Variants in SNAP29 observed in about 807,000 individuals in gnomAD.
SNAP29 encodes synaptosome associated protein 29.
A neutral mutation model predicts 27.9 loss-of-function variants in SNAP29; 13 were observed. The ratio of observed to expected loss-of-function variants is 0.47; its 90% CI spans 0.30 to 0.74. The LOEUF is 0.74. SNAP29 is among the 30% of genes least tolerant of loss of function. The pLI is 0.06. For synonymous variants in SNAP29, 119 were observed against 127.1 expected, an observed-to-expected ratio of 0.94 and a Z score of 0.43; for missense variants, 368 against 336.5, an observed-to-expected ratio of 1.09 and a Z score of -0.73.
Position 20,859,154 on chromosome 22 carries a change from G to A in SNAP29, c.44G>A (p.Gly15Glu), listed in dbSNP as rs1473034176. The A allele has an allele frequency of 3.7e-6, 6 of 1,607,778 alleles. No homozygotes were observed. The Admixed American group carries it at 6.8e-5, about 18-fold the overall frequency. Residue 15 changes from glycine (G) to glutamate (E), a missense_variant, in exon 1 of 5, where the codon GGG becomes GAG. Gly to Glu is a moderately conservative substitution (Grantham distance 98). Transcript: ENST00000215730. Reference protein sequence around the residue: ...PKSYNPFDDDGEDEGARPAPW... With the variant: ...PKSYNPFDDDEEDEGARPAPW... ...AGCTACAATCCGTTCGACGACGACG[G>A]GGAGGACGAAGGCGCCCGGCCGGCC...
At chr22:20,871,208 G>A (rs1928583302) in intron 2 of SNAP29, among the ~76,000 whole-genome samples, 1 of 151,420 alleles carries the variant, frequency 6.6e-6, no homozygotes, top group Non-Finnish European at 1.5e-5. Context: ...AAAATTATAA[G>A]GCTGGGCTCA....
At chr22:20,863,874 A>G (rs1448217436) in intron 1 of SNAP29, among the ~76,000 whole-genome samples, 2 of 151,806 alleles carry the variant, frequency 1.3e-5, no homozygotes, top group African/African-American at 2.4e-5. Flanking sequence ...TAAGTGAAGT[A>G]TTGTATACAT....
Position 20,890,485 on chromosome 22 carries a change from C to T in SNAP29, c.*2649C>T, listed in dbSNP as rs1312184473. 2.3e-5 allele frequency: 9 copies of T among 393,836 alleles called. No individual in the cohort carries two copies. The highest frequency in any genetic ancestry group is 8.2e-5 in the African/African-American group (4 of 48,496). The allele number at this position is 393,836 out of a possible 1,614,324, so 24.4% of individuals were successfully genotyped here. ...TAACTTAAAAAATAGTGGCTGGGCG[C>T]GGTGGCTCATGCCTGTAATCCCAGT... On this transcript the variant is annotated 3_prime_UTR_variant, in exon 5 of 5. Coordinates refer to ENST00000215730, the MANE Select transcript of SNAP29 (RefSeq NM_004782.4).
intron 1 of SNAP29, among the ~76,000 whole-genome samples, chr22:20,859,837 C>T (rs914216936): frequency 6.6e-6 from 1 of 152,106 alleles, no homozygotes; most frequent in Non-Finnish European, 1.5e-5. Flanking sequence ...GAGTTCTTCC[C>T]GCATCATTGA....
chr22:20,878,734 C>T (rs1040830366), intron 2 of SNAP29, among the ~76,000 whole-genome samples: 2 of 152,058 alleles, frequency 1.3e-5, no homozygotes, highest in African/African-American at 2.4e-5. Context: ...GATTGGCTGG[C>T]GAAGTGGTCA....
At chr22:20,875,282 G>A (rs1403341573) in intron 2 of SNAP29, among the ~76,000 whole-genome samples, 2 of 152,142 alleles carry the variant, frequency 1.3e-5, no homozygotes, top group Non-Finnish European at 2.9e-5. Flanking sequence ...TTCCCGTCAA[G>A]GTCCCCAAAG....
intron 4 of SNAP29, among the ~76,000 whole-genome samples, chr22:20,885,579 G>A (rs1391623586): frequency 6.6e-6 from 1 of 152,228 alleles, no homozygotes; most frequent in Non-Finnish European, 1.5e-5. Flanking sequence ...TGGTATGGTT[G>A]GTGCCTGCTG....
intron 2 of SNAP29, among the ~76,000 whole-genome samples, chr22:20,872,636 G>A (rs1445348781): frequency 2.0e-5 from 3 of 152,006 alleles, no homozygotes; most frequent in East Asian, 1.9e-4. Flanking sequence ...TCCTGACTTC[G>A]TGATCCATCC....
chr22:20,879,994 C>T, intron 2 of SNAP29, among the ~76,000 whole-genome samples: 1 of 146,572 alleles, frequency 6.8e-6, no homozygotes, highest in Non-Finnish European at 1.5e-5. Flanking sequence ...AACTTGGTGA[C>T]AGAGAGAGAC....
Position 20,890,179 on chromosome 22 carries a change from C to T in SNAP29, c.*2343C>T. 2.5e-6 allele frequency: 1 copy of T among 397,990 alleles called. No individual in the cohort carries two copies. The highest frequency in any genetic ancestry group is 4.4e-5 in the Admixed American group (1 of 22,702). 24.7% of individuals were successfully genotyped at this position (397,990 alleles called of 1,614,324 possible). A position where few individuals can be genotyped will look rare whatever the true frequency, so the allele number is the denominator to read the frequency against. On this transcript the variant is annotated 3_prime_UTR_variant, in exon 5 of 5. Transcript: ENST00000215730. Reference sequence around the variant, plus strand: ...CAGGAAGGCCTGGTTGCTGATGCTACTTTATAAATGAGTTGCTTGCATTTT... The same window carrying T: ...CAGGAAGGCCTGGTTGCTGATGCTATTTTATAAATGAGTTGCTTGCATTTT...
At chr22:20,884,678 C>CA (rs1172839111) in intron 4 of SNAP29, among the ~76,000 whole-genome samples, 1 of 152,196 alleles carries the variant, frequency 6.6e-6, no homozygotes, top group Non-Finnish European at 1.5e-5. Context: ...TCTTCCCAAT[C>CA]AGACTGTAGA....
At chr22:20,881,845 C>T (rs1448394007) in intron 3 of SNAP29, among the ~76,000 whole-genome samples, 1 of 152,156 alleles carries the variant, frequency 6.6e-6, no homozygotes, top group African/African-American at 2.4e-5. Flanking sequence ...GTCCTAATCC[C>T]CAGACCCCGT....
At chr22:20,879,981 C>T (rs971603053) in intron 2 of SNAP29, among the ~76,000 whole-genome samples, 3 of 150,906 alleles carry the variant, frequency 2.0e-5, no homozygotes, top group African/African-American at 7.3e-5. Context: ...CCACTATACT[C>T]CAAACTTGGT....
chr22:20,881,048 G>A lies in SNAP29; in HGVS notation c.435-1G>A. The A allele has an allele frequency of 6.2e-7, 1 of 1,602,090 alleles. No individual in the cohort carries two copies. Among genetic ancestry groups the A allele is most frequent in the Non-Finnish European group, 8.6e-7 (1 of 1,168,986 alleles). On this transcript the variant is annotated splice_acceptor_variant, in intron 2 of 4. Coordinates refer to ENST00000215730, the MANE Select transcript of SNAP29 (RefSeq NM_004782.4). LOFTEE classifies it high-confidence loss of function. ...TCTTTTTTGTGAACTTTTATCCAAA[G>A]ATTGAAAGAAGCTATAAGTACAAGT...
Position 20,864,122 on chromosome 22 carries a change from G to GGACACTCTGCTTCCCCTCTTGTAGCT in SNAP29, c.237+4778_237+4803dup, listed in dbSNP as rs1928401946. Among the ~76,000 whole-genome samples the GGACACTCTGCTTCCCCTCTTGTAGCT allele has an allele frequency of 2.6e-5, 4 of 152,104 alleles. No homozygotes were observed. The South Asian group carries it at 8.3e-4, about 32-fold the overall frequency. On this transcript the variant is annotated intron_variant, in intron 1 of 4. Transcript: ENST00000215730. Reference sequence around the variant, plus strand: ...CCAGTGGAGGAGACTCACCTGCCCAGGACACTCTGCTTCCCCTCTTGTAGC... The same window carrying GGACACTCTGCTTCCCCTCTTGTAGCT: ...CCAGTGGAGGAGACTCACCTGCCCAGGACACTCTGCTTCCCCTCTTGTAGCTGACACTCTGCTTCCCCTCTTGTAGC...
At chr22:20,865,258 G>A (rs1199479724) in intron 1 of SNAP29, among the ~76,000 whole-genome samples, 1 of 152,152 alleles carries the variant, frequency 6.6e-6, no homozygotes, top group East Asian at 1.9e-4. Flanking sequence ...AGAAGGCTGA[G>A]GTAGGAGGAT....
chr22:20,869,432 G>A (rs975442501), intron 1 of SNAP29, among the ~76,000 whole-genome samples: 2 of 152,138 alleles, frequency 1.3e-5, no homozygotes, highest in African/African-American at 2.4e-5. Context: ...CATTACAGGC[G>A]GAGACAGTGG....
intron 1 of SNAP29, among the ~76,000 whole-genome samples, chr22:20,869,287 G>A (rs549968240): frequency 6.6e-6 from 1 of 152,224 alleles, no homozygotes; most frequent in South Asian, 2.1e-4. Flanking sequence ...GGAGAAGAGG[G>A]GTAGTGGTTG....
chr22:20,880,520 A>AT (rs1188001368), intron 2 of SNAP29, among the ~76,000 whole-genome samples: 1 of 151,648 alleles, frequency 6.6e-6, no homozygotes, highest in Non-Finnish European at 1.5e-5. Flanking sequence ...AAAAAAAAAA[A>AT]GAACGGGGAA....
Sources: allele counts gnomAD v4.1 joint callset (sites outside exome capture counted in the v4.1 genomes callset), GRCh38; gene constraint gnomAD v4.1.1; transcripts MANE v1.5; gene names NCBI Gene and HGNC (gene_info 2026-07-23, HGNC 2026-07-21).